Variants in TOP2A observed in about 807,000 individuals in gnomAD.
TOP2A encodes DNA topoisomerase 2-alpha.
TOP2A carries 68 observed loss-of-function variants against 187.2 expected under a neutral mutation model. That is an observed-to-expected ratio of 0.36 (90% CI 0.30 to 0.44). The LOEUF is 0.44. Ranked by LOEUF, TOP2A falls within the 20% of genes least tolerant of loss-of-function variation. TOP2A has a pLI of 1.00. For missense variants in TOP2A, 1,196 were observed against 1,808.7 expected, an observed-to-expected ratio of 0.66 and a Z score of 6.14; for synonymous variants, 542 against 593.2, an observed-to-expected ratio of 0.91 and a Z score of 1.25.
At chr17:40,395,219 A>T (rs2035077649) in intron 29 of TOP2A, among the ~76,000 whole-genome samples, 1 of 143,408 alleles carries the variant, frequency 7.0e-6, no homozygotes, top group Non-Finnish European at 1.5e-5. Flanking sequence ...GGAGGTGAAG[A>T]TTGCAGTGAG....
chr17:40,391,813 G>T, intron 32 of TOP2A, 173 bp from the exon 33 acceptor site: 1 of 882,240 alleles, frequency 1.1e-6, no homozygotes, highest in Non-Finnish European at 1.6e-6. Flanking sequence ...TTATCAGCAA[G>T]AACAGTTTTT....
At chr17:40,391,426 G>T (rs2143619623) in intron 33 of TOP2A, 80 bp downstream of exon 33, 3 of 1,360,230 alleles carry the variant, frequency 2.2e-6, no homozygotes, top group Non-Finnish European at 2.0e-6. Context: ...GTAAGTTTTG[G>T]CAATAAAAAA....
In TOP2A at chr17:40,413,201, G is replaced by A. The variant is rs1479722723; in HGVS notation, c.570C>T (p.Phe190=). The A allele has an allele frequency of 1.3e-6, 2 of 1,555,786 alleles. No homozygotes were observed. The highest frequency in any genetic ancestry group is 2.4e-5 in the South Asian group (2 of 84,458). The change falls in exon 6 of 35, where the codon TTC becomes TTT. Residue 190 remains phenylalanine (F), a synonymous_variant. Transcript: ENST00000423485. ...AAGACACTTATTTACTTGCCTGTTT[G>A]AACATTTTCTTGTATTCTCTACTGG... The part of the protein sequence containing the change: ...ETASREYKKM[F]KQTWMDNMGR...
At chr17:40,396,582 G>T in intron 27 of TOP2A, 117 bp from the exon 28 acceptor site, 2 of 1,295,998 alleles carry the variant, frequency 1.5e-6, no homozygotes, top group Non-Finnish European at 2.1e-6. Flanking sequence ...GTGATAAATT[G>T]CTCCATAACC....
chr17:40,392,211 T>TAA lies in TOP2A; in HGVS notation c.4088+6_4088+7insTT. On this transcript the variant is annotated splice_region_variant and intron_variant, in intron 31 of 34. Transcript: ENST00000423485. Reference sequence around the variant, plus strand: ...ATGACAAAACCCATATTAGATAAGATACTTGCTTTGGGGAAGTTTTGGTCT... The same window carrying TAA: ...ATGACAAAACCCATATTAGATAAGATAAACTTGCTTTGGGGAAGTTTTGGTCT... The TAA allele has an allele frequency of 6.2e-7, 1 of 1,613,192 alleles. No individual in the cohort carries two copies. The highest frequency in any genetic ancestry group is 8.5e-7 in the Non-Finnish European group (1 of 1,179,612).
intron 15 of TOP2A, 24 bp downstream of exon 15, chr17:40,406,560 T>A: frequency 1.2e-6 from 2 of 1,606,416 alleles, no homozygotes; most frequent in Non-Finnish European, 1.7e-6. Context: ...AAATGAGAAG[T>A]TCTATATGGG....
At chr17:40,392,478 A>C in intron 30 of TOP2A, 107 bp downstream of exon 30, 3 of 1,472,204 alleles carry the variant, frequency 2.0e-6, no homozygotes, top group Non-Finnish European at 2.8e-6. Context: ...CTTTAACATA[A>C]TTTACTGCTC....
At chr17:40,393,867 C>T (rs891899720) in intron 29 of TOP2A, among the ~76,000 whole-genome samples, 1 of 152,026 alleles carries the variant, frequency 6.6e-6, no homozygotes, top group Non-Finnish European at 1.5e-5. Flanking sequence ...ACCATCCTGG[C>T]CAACATGGTG....
At chr17:40,397,516 C>A (rs1186870197) in intron 27 of TOP2A, among the ~76,000 whole-genome samples, 1 of 151,734 alleles carries the variant, frequency 6.6e-6, no homozygotes, top group East Asian at 2.0e-4. Context: ...GAACTCCTGA[C>A]CTCAAGTGAT....
At chr17:40,415,315 A>G (rs1379913111) in intron 4 of TOP2A, among the ~76,000 whole-genome samples, 1 of 152,108 alleles carries the variant, frequency 6.6e-6, no homozygotes, top group African/African-American at 2.4e-5. Context: ...CGGCCTCCCA[A>G]AGTGCTGGGA....
chr17:40,409,012 T>C (rs1347561330), intron 10 of TOP2A: 2 of 379,738 alleles, frequency 5.3e-6, no homozygotes, highest in South Asian at 2.0e-5. Context: ...CTGGCCAACA[T>C]GGCGAAACCC....
At position 40,411,099 on chromosome 17, in the gene TOP2A, A is replaced by G; in HGVS notation, c.1203+10T>C. The G allele has an allele frequency of 6.3e-7, 1 of 1,593,328 alleles. No individual in the cohort carries two copies. Among genetic ancestry groups the G allele is most frequent in the South Asian group, 1.2e-5 (1 of 86,602 alleles). On this transcript the variant is annotated intron_variant, in intron 10 of 34. Coordinates refer to ENST00000423485, the MANE Select transcript of TOP2A (RefSeq NM_001067.4). This position sits in a 1 kb window ranked among gnomAD's most constrained non-coding sequence, Gnocchi z 4.4. The stretch of plus-strand genomic sequence containing the variant: ...GGTGTTTCTATTTTTATTTTCCTCT[A>G]AGTACTCACAGCTTTGATAAATTTT...
chr17:40,414,105 A>G (rs2035359960), intron 4 of TOP2A, among the ~76,000 whole-genome samples: 1 of 152,190 alleles, frequency 6.6e-6, no homozygotes, highest in Non-Finnish European at 1.5e-5. Context: ...TAATGTTGAA[A>G]AAATACAAAA....
At chr17:40,392,787 C>T (rs1452334965) in intron 29 of TOP2A, 50 bp from the exon 30 acceptor site, 62 of 1,418,152 alleles carry the variant, frequency 4.4e-5, no homozygotes, top group Non-Finnish European at 6.0e-5. Context: ...ACCCACTTTT[C>T]TCCATCTATC....
Position 40,399,076 on chromosome 17 carries a change from C to T in TOP2A, c.3252G>A (p.Ser1084=), listed in dbSNP as rs1426015923. The T allele has an allele frequency of 3.8e-6, 6 of 1,588,276 alleles. No homozygotes were observed. Among genetic ancestry groups the T allele is most frequent in the Middle Eastern group, 1.7e-4 (1 of 6,034 alleles). Residue 1084 remains serine, a synonymous_variant, in exon 25 of 35, where the codon TCG becomes TCA. Transcript: ENST00000423485. ...IKVLIQRGYD[S]DPVKAWKEAQ... Reference sequence around the variant, plus strand: ...CTTCTTTCCAGGCCTTCACAGGATCCGAATCATATCCCCTCTGAATCAGAA... The same window carrying T: ...CTTCTTTCCAGGCCTTCACAGGATCTGAATCATATCCCCTCTGAATCAGAA...
intron 27 of TOP2A, among the ~76,000 whole-genome samples, chr17:40,396,889 G>A (rs757861294): frequency 3.4e-5 from 5 of 145,074 alleles, no homozygotes; most frequent in South Asian, 2.2e-4. Context: ...GCTTTTGGTG[G>A]TTTTTTTTTT....
At position 40,392,287 on chromosome 17, in the gene TOP2A, T is replaced by C; in HGVS notation, c.4019A>G (p.Asp1340Gly). ...AAAATCTTCATCATCAGTTTTTTCA[T>C]CAAAATCTGAGAAATCTTCATCTGA... ...LDSDEDFSDF[D>G]EKTDDEDFVP... The change falls in exon 31 of 35, where the codon GAT (aspartate) becomes GGT (glycine). Residue 1340 changes from aspartate to glycine, a missense_variant. Asp to Gly is a moderately conservative substitution (Grantham distance 94). Coordinates refer to ENST00000423485, the MANE Select transcript of TOP2A (RefSeq NM_001067.4). The C allele has an allele frequency of 1.9e-6, 3 of 1,609,060 alleles. No homozygotes were observed. The South Asian group carries it at 3.3e-5, about 18-fold the overall frequency.
chr17:40,395,392 G>A, intron 29 of TOP2A, 57 bp downstream of exon 29: 1 of 1,183,990 alleles, frequency 8.4e-7, no homozygotes, highest in Non-Finnish European at 1.2e-6. Context: ...AATGTACTAG[G>A]TAACAAACAC....
At chr17:40,410,960 T>G (rs1418361465) in intron 10 of TOP2A, 149 bp downstream of exon 10, 2 of 760,830 alleles carry the variant, frequency 2.6e-6, no homozygotes, top group African/African-American at 3.5e-5. Flanking sequence ...GGTAAATCAG[T>G]TAAAGTAAAG....
Sources: allele counts gnomAD v4.1 joint callset (sites outside exome capture counted in the v4.1 genomes callset), GRCh38; gene constraint gnomAD v4.1.1; non-coding constraint Gnocchi (gnomAD v3.1); transcripts MANE v1.5; gene names NCBI Gene and HGNC (gene_info 2026-07-23, HGNC 2026-07-21).